IGF1R: variants seen among roughly 807,000 people sequenced by gnomAD.
IGF1R encodes the protein insulin-like growth factor 1 receptor.
In IGF1R, 44 loss-of-function variants were observed where a neutral mutation model predicts 144.6. That is an observed-to-expected ratio of 0.30 (90% CI 0.24 to 0.39). IGF1R has a LOEUF of 0.39. Among genes scored for constraint, IGF1R ranks in the 10% least tolerant of loss-of-function variants. The probability of loss-of-function intolerance (pLI) is 1.00; values close to 1 mark genes in which losing one functional copy is unlikely to be tolerated. For missense variants in IGF1R, 1,355 were observed against 1,833.7 expected, an observed-to-expected ratio of 0.74 and a Z score of 4.77; for synonymous variants, 795 against 722.8, an observed-to-expected ratio of 1.10 and a Z score of -1.60.
At chr15:98,832,858 G>GA (rs1243548056) in intron 2 of IGF1R, among the ~76,000 whole-genome samples, 1 of 152,204 alleles carries the variant, frequency 6.6e-6, no homozygotes, top group Non-Finnish European at 1.5e-5. Flanking sequence ...ACAGGTTTGT[G>GA]AAACCAATTT....
chr15:98,778,738 G>T (rs906531014), intron 2 of IGF1R, among the ~76,000 whole-genome samples: 6 of 152,212 alleles, frequency 3.9e-5, no homozygotes, highest in African/African-American at 1.4e-4. Flanking sequence ...CTTCCCAGGG[G>T]CCTTGTGTCA....
At chr15:98,709,519 A>T (rs1176438992) in intron 2 of IGF1R, among the ~76,000 whole-genome samples, 1 of 152,232 alleles carries the variant, frequency 6.6e-6, no homozygotes, top group African/African-American at 2.4e-5. Context: ...GTGGTTGATT[A>T]AAACTGCCCT....
At chr15:98,656,970 T>G (rs749262148) in intron 1 of IGF1R, among the ~76,000 whole-genome samples, 1 of 152,226 alleles carries the variant, frequency 6.6e-6, no homozygotes, top group Non-Finnish European at 1.5e-5. Flanking sequence ...ACTCTTGACA[T>G]GGGAGAACAA....
intron 1 of IGF1R, among the ~76,000 whole-genome samples, chr15:98,671,757 T>C (rs2311767): frequency 0.92 from 140,633 of 152,208 alleles, 65,182 homozygotes; most frequent in Middle Eastern, 0.97. Flanking sequence ...TTTTTTCTCT[T>C]TTGCTTAAAA....
chr15:98,815,132 T>G (rs1364686820), intron 2 of IGF1R, among the ~76,000 whole-genome samples: 2 of 152,240 alleles, frequency 1.3e-5, no homozygotes, highest in Admixed American at 6.5e-5. Flanking sequence ...AGTCAGTGAT[T>G]ACAATTTAAA....
At chr15:98,729,790 G>A (rs72767979) in intron 2 of IGF1R, among the ~76,000 whole-genome samples, 2,320 of 152,250 alleles carry the variant, frequency 0.015, 34 homozygotes, top group South Asian at 0.046. Flanking sequence ...GGCATAGAAT[G>A]CCCTTGGCAC....
At chr15:98,736,669 T>C (rs903078729) in intron 2 of IGF1R, among the ~76,000 whole-genome samples, 56 of 149,342 alleles carry the variant, frequency 3.7e-4, no homozygotes, top group African/African-American at 1.3e-3. Context: ...TGGAGTGGAG[T>C]GGCATGATCT....
intron 1 of IGF1R, among the ~76,000 whole-genome samples, chr15:98,661,589 C>CT (rs1335386789): frequency 6.6e-6 from 1 of 152,160 alleles, no homozygotes; most frequent in Non-Finnish European, 1.5e-5. Context: ...CCTGGCCTGT[C>CT]TTTGCTCTGC....
At chr15:98,655,484 AAT>A (rs1414316943) in intron 1 of IGF1R, among the ~76,000 whole-genome samples, 2 of 152,068 alleles carry the variant, frequency 1.3e-5, no homozygotes, top group Non-Finnish European at 2.9e-5. Flanking sequence ...TGAACTGAGA[AAT>A]AGTCGTTTTC....
Position 98,961,914 on chromosome 15 carries a change from G to C in IGF1R, c.*4472G>C. 4.3e-6 allele frequency: 1 copy of C among 233,328 alleles called. No individual in the cohort carries two copies. The highest frequency in any genetic ancestry group is 8.5e-6 in the Non-Finnish European group (1 of 118,060). The allele number at this position is 233,328 out of a possible 1,614,324, so 14.5% of individuals were successfully genotyped here. Reference sequence around the variant, plus strand: ...TTTCAATGGTACGAAAAGTGGCTTCGTAAAATAGAAGAGCAGTCACTGTGG... The same window carrying C: ...TTTCAATGGTACGAAAAGTGGCTTCCTAAAATAGAAGAGCAGTCACTGTGG... On this transcript the variant is annotated 3_prime_UTR_variant, in exon 21 of 21. Transcript: ENST00000650285.
intron 2 of IGF1R, among the ~76,000 whole-genome samples, chr15:98,826,411 A>G (rs567708909): frequency 6.6e-6 from 1 of 152,226 alleles, no homozygotes; most frequent in South Asian, 2.1e-4. Context: ...TTACTGTCCT[A>G]TAATTGTTTT....
In IGF1R at chr15:98,960,804, T is replaced by C. The variant is rs533995172; in HGVS notation, c.*3362T>C. ...AGTCCCCTCCCCCTCCAGGCTGCCC[T>C]CTCAACTTCTCCCTCACCTCCTTCC... On this transcript the variant is annotated 3_prime_UTR_variant, in exon 21 of 21. Transcript: ENST00000650285. 1.7e-5 allele frequency: 4 copies of C among 233,830 alleles called. No individual in the cohort carries two copies. The East Asian group carries it at 1.8e-4, about 11-fold the overall frequency. The allele number at this position is 233,830 out of a possible 1,614,324, so 14.5% of individuals were successfully genotyped here. A position where few individuals can be genotyped will look rare whatever the true frequency, so the allele number is the denominator to read the frequency against.
At chr15:98,655,801 C>G (rs911539117) in intron 1 of IGF1R, among the ~76,000 whole-genome samples, 1 of 151,738 alleles carries the variant, frequency 6.6e-6, no homozygotes, top group Non-Finnish European at 1.5e-5. Context: ...TTGATTCTGC[C>G]TTGACCTCCC....
At chr15:98,695,677 C>A (rs2053579225) in intron 1 of IGF1R, among the ~76,000 whole-genome samples, 1 of 152,176 alleles carries the variant, frequency 6.6e-6, no homozygotes, top group African/African-American at 2.4e-5. Context: ...CCACAGGAAT[C>A]TTCATTACCT....
intron 2 of IGF1R, among the ~76,000 whole-genome samples, chr15:98,825,059 G>A (rs1448889810): frequency 1.3e-5 from 2 of 152,068 alleles, no homozygotes; most frequent in Non-Finnish European, 1.5e-5. Flanking sequence ...AGGTCAGGTC[G>A]AACTCCTGAC....
intron 1 of IGF1R, among the ~76,000 whole-genome samples, chr15:98,651,829 A>G (rs780260812): frequency 6.6e-6 from 1 of 152,182 alleles, no homozygotes; most frequent in Non-Finnish European, 1.5e-5. Flanking sequence ...AATCTCGATT[A>G]TGGTTTGCTG....
At chr15:98,800,754 C>T (rs552366976) in intron 2 of IGF1R, among the ~76,000 whole-genome samples, 3 of 152,100 alleles carry the variant, frequency 2.0e-5, no homozygotes, top group Non-Finnish European at 4.4e-5. Context: ...TGGAAAACAC[C>T]GGCACAAAAC....
intron 13 of IGF1R, among the ~76,000 whole-genome samples, chr15:98,926,102 C>T (rs1359809004): frequency 6.6e-6 from 1 of 152,084 alleles, no homozygotes; most frequent in Admixed American, 6.5e-5. Context: ...ATAAAGAAAA[C>T]CTGGTACATA....
intron 5 of IGF1R, among the ~76,000 whole-genome samples, chr15:98,903,145 A>G (rs1316199103): frequency 6.6e-6 from 1 of 152,240 alleles, no homozygotes; most frequent in Non-Finnish European, 1.5e-5. Context: ...ATCCACATGT[A>G]CACAATTTTT....
Sources: allele counts gnomAD v4.1 joint callset (sites outside exome capture counted in the v4.1 genomes callset), GRCh38; gene constraint gnomAD v4.1.1; transcripts MANE v1.5; gene names NCBI Gene and HGNC (gene_info 2026-07-23, HGNC 2026-07-21).